FSTL5: variants seen among roughly 807,000 people sequenced by gnomAD.
The protein encoded by FSTL5 is follistatin like 5.
Under a neutral mutation model 89.1 loss-of-function variants are expected in FSTL5, and 62 were observed. The observed-to-expected ratio is 0.70, with a 90% CI of 0.57 to 0.86. The LOEUF (loss-of-function observed/expected upper bound fraction) is 0.86, where lower values mean the gene tolerates loss of function less well. FSTL5 is among the 40% of genes least tolerant of loss of function. The pLI is 0.00. For synonymous variants in FSTL5, 383 were observed against 346.2 expected (o/e 1.11, Z -1.18); for missense variants, 1,057 against 1,001.6 (o/e 1.06, Z -0.75).
intron 7 of FSTL5, among the ~76,000 whole-genome samples, chr4:161,595,981 G>A (rs1734000808): frequency 2.0e-5 from 3 of 151,680 alleles, no homozygotes; most frequent in African/African-American, 7.3e-5. Context: ...CAAATTCTGA[G>A]TTTTCTAGTG....
At chr4:161,556,749 C>T (rs1732405771) in intron 8 of FSTL5, among the ~76,000 whole-genome samples, 1 of 148,172 alleles carries the variant, frequency 6.7e-6, no homozygotes, top group Non-Finnish European at 1.5e-5. Flanking sequence ...CAAAAAAAAC[C>T]CACTAAGATT....
intron 8 of FSTL5, among the ~76,000 whole-genome samples, chr4:161,545,757 C>A (rs902434714): frequency 2.0e-5 from 3 of 151,958 alleles, no homozygotes; most frequent in African/African-American, 4.8e-5. Context: ...TGGTACCCCC[C>A]AGTGCCTGAC....
chr4:162,027,617 G>A (rs1370863550), intron 3 of FSTL5, among the ~76,000 whole-genome samples: 1 of 152,072 alleles, frequency 6.6e-6, no homozygotes, highest in Non-Finnish European at 1.5e-5. Flanking sequence ...TGGAACAGAT[G>A]TCAGCTAATG....
At chr4:162,024,558 C>T (rs1381774683) in intron 3 of FSTL5, among the ~76,000 whole-genome samples, 1 of 152,082 alleles carries the variant, frequency 6.6e-6, no homozygotes, top group Non-Finnish European at 1.5e-5. Flanking sequence ...GCAGTTGTTT[C>T]TAAATGTAGC....
chr4:161,953,426 A>C (rs1734950381), intron 3 of FSTL5, among the ~76,000 whole-genome samples: 1 of 151,640 alleles, frequency 6.6e-6, no homozygotes, highest in Non-Finnish European at 1.5e-5. Context: ...ACCTGGAAAA[A>C]AATACTATAA....
chr4:161,896,727 T>C (rs1733169609), intron 4 of FSTL5, among the ~76,000 whole-genome samples: 1 of 152,256 alleles, frequency 6.6e-6, no homozygotes, highest in Admixed American at 6.5e-5. Context: ...TAGGAAAAAA[T>C]TATTTTACAA....
intron 8 of FSTL5, among the ~76,000 whole-genome samples, chr4:161,570,600 T>C (rs1732971873): frequency 6.6e-6 from 1 of 152,256 alleles, no homozygotes. Flanking sequence ...AGCATGAAGT[T>C]GGGGACACAT....
intron 2 of FSTL5, among the ~76,000 whole-genome samples, chr4:162,040,469 C>T (rs1178835267): frequency 6.6e-6 from 1 of 151,952 alleles, no homozygotes; most frequent in African/African-American, 2.4e-5. Context: ...TTCACACACA[C>T]GTGCACACAC....
At chr4:162,116,665 T>C (rs937683412) in intron 1 of FSTL5, among the ~76,000 whole-genome samples, 3 of 152,188 alleles carry the variant, frequency 2.0e-5, no homozygotes, top group Non-Finnish European at 4.4e-5. Flanking sequence ...AGTCTTTTGG[T>C]GGTCTGCTGG....
intron 6 of FSTL5, among the ~76,000 whole-genome samples, chr4:161,743,079 T>C (rs1315199392): frequency 6.6e-6 from 1 of 152,178 alleles, no homozygotes; most frequent in African/African-American, 2.4e-5. Flanking sequence ...AAGTCTAATG[T>C]ATCTATATTT....
At chr4:161,890,280 G>A (rs1463637365) in intron 4 of FSTL5, among the ~76,000 whole-genome samples, 1 of 152,148 alleles carries the variant, frequency 6.6e-6, no homozygotes, top group Non-Finnish European at 1.5e-5. Flanking sequence ...AATTTTAGAT[G>A]CAGGATGATG....
chr4:162,116,517 T>A (rs575614612), intron 1 of FSTL5, among the ~76,000 whole-genome samples: 1 of 152,222 alleles, frequency 6.6e-6, no homozygotes, highest in South Asian at 2.1e-4. Flanking sequence ...GCCACCCAAC[T>A]CCCACCCGCA....
chr4:161,772,534 G>T (rs1240162626), intron 5 of FSTL5, among the ~76,000 whole-genome samples: 1 of 152,044 alleles, frequency 6.6e-6, no homozygotes. Context: ...CAAATCAGTA[G>T]CTCTGCTATA....
intron 8 of FSTL5, chr4:161,552,626 T>A: frequency 6.6e-6 from 1 of 151,754 alleles, no homozygotes; most frequent in East Asian, 1.9e-4. Context: ...TTTTGTCACA[T>A]GAAATTTTAA....
At chr4:162,085,838 A>T (rs1342577628) in intron 2 of FSTL5, among the ~76,000 whole-genome samples, 1 of 152,136 alleles carries the variant, frequency 6.6e-6, no homozygotes, top group Non-Finnish European at 1.5e-5. Context: ...TTTGGATTTG[A>T]TACCTTTGAG....
chr4:161,413,545 C>A (rs1157124817), intron 15 of FSTL5, among the ~76,000 whole-genome samples: 1 of 152,102 alleles, frequency 6.6e-6, no homozygotes, highest in East Asian at 1.9e-4. Flanking sequence ...AACAGAGCTA[C>A]CGTTTTATCC....
At chr4:161,935,901 G>T (rs114005566) in intron 3 of FSTL5, among the ~76,000 whole-genome samples, 1 of 152,154 alleles carries the variant, frequency 6.6e-6, no homozygotes, top group African/African-American at 2.4e-5. Context: ...ACAAAAGCAG[G>T]CTAGGTGAGG....
At chr4:161,992,108 G>A (rs1322681913) in intron 3 of FSTL5, among the ~76,000 whole-genome samples, 1 of 152,134 alleles carries the variant, frequency 6.6e-6, no homozygotes, top group East Asian at 1.9e-4. Flanking sequence ...TAAAAGGCAG[G>A]AACATATCCT....
At chr4:161,812,832 T>G (rs1208396379) in intron 4 of FSTL5, among the ~76,000 whole-genome samples, 1 of 115,794 alleles carries the variant, frequency 8.6e-6, no homozygotes, top group Non-Finnish European at 1.7e-5. Context: ...GGTAAATCTT[T>G]AAGGTATAAG....
Sources: gnomAD v4.1 joint callset for allele counts (sites outside exome capture counted in the v4.1 genomes callset) on GRCh38, gnomAD v4.1.1 for gene constraint, MANE v1.5 for transcripts, NCBI Gene and HGNC (gene_info 2026-07-23, HGNC 2026-07-21) for gene names.